Variants in TENM2 observed in about 807,000 individuals in gnomAD.
The protein encoded by TENM2 is teneurin transmembrane protein 2.
A neutral mutation model predicts 245.2 loss-of-function variants in TENM2; 52 were observed. The ratio of observed to expected loss-of-function variants is 0.21; its 90% CI spans 0.17 to 0.27. The LOEUF is 0.27. TENM2 is among the 10% of genes least tolerant of loss of function. The pLI is 1.00. For synonymous variants in TENM2, 1,363 were observed against 1,438.9 expected (o/e 0.95, Z 1.19); for missense variants, 3,046 against 3,666.8 (o/e 0.83, Z 4.37).
chr5:168,100,098 G>T (rs552798269), intron 9 of TENM2, among the ~76,000 whole-genome samples: 25 of 152,338 alleles, frequency 1.6e-4, no homozygotes, highest in South Asian at 4.1e-4. Context: ...CTTTGCTGAA[G>T]TTGCTTATCA....
At chr5:168,158,825 GTGTGTATA>G (rs1247472485) in intron 12 of TENM2, among the ~76,000 whole-genome samples, 3 of 84,022 alleles carry the variant, frequency 3.6e-5, no homozygotes, top group South Asian at 3.6e-4. Context: ...GTGTGTGTGT[GTGTGTATA>G]TATATATATA....
intron 2 of TENM2, among the ~76,000 whole-genome samples, chr5:167,697,509 T>C (rs1757842136): frequency 2.6e-5 from 4 of 152,142 alleles, no homozygotes; most frequent in African/African-American, 9.7e-5. Flanking sequence ...AGTGGATTAA[T>C]CCATATATTT....
At chr5:168,134,981 A>G (rs1191316494) in intron 12 of TENM2, among the ~76,000 whole-genome samples, 1 of 152,226 alleles carries the variant, frequency 6.6e-6, no homozygotes, top group Non-Finnish European at 1.5e-5. Flanking sequence ...GCGTCTTAGA[A>G]CACAGCATCC....
chr5:167,705,978 T>C (rs796575864), intron 2 of TENM2, among the ~76,000 whole-genome samples: 10,769 of 116,106 alleles, frequency 0.093, 449 homozygotes, highest in African/African-American at 0.19. Context: ...TATATATATA[T>C]ATATATATAT....
At chr5:167,743,572 C>T (rs1036725362) in intron 2 of TENM2, among the ~76,000 whole-genome samples, 1 of 152,012 alleles carries the variant, frequency 6.6e-6, no homozygotes, top group Non-Finnish European at 1.5e-5. Flanking sequence ...ATTAAGAGAA[C>T]ACAATATGCA....
the TENM2 span, among the ~76,000 whole-genome samples, chr5:167,266,824 T>TA: frequency 6.6e-6 from 1 of 152,188 alleles, no homozygotes; most frequent in Non-Finnish European, 1.5e-5. Context: ...ATAATACAGA[T>TA]AAAAGTCACG....
the TENM2 span, among the ~76,000 whole-genome samples, chr5:167,192,636 A>G: frequency 6.6e-6 from 1 of 152,100 alleles, no homozygotes; most frequent in East Asian, 1.9e-4. Context: ...ATGGAGTCAG[A>G]TAGGCAATAT....
intron 1 of TENM2, among the ~76,000 whole-genome samples, chr5:167,344,310 A>ATC (rs1758323210): frequency 2.0e-5 from 1 of 50,938 alleles, no homozygotes; most frequent in African/African-American, 7.0e-5. Flanking sequence ...ACACACACAC[A>ATC]TATATATATA....
At chr5:167,861,180 C>G (rs2151288450) in intron 2 of TENM2, among the ~76,000 whole-genome samples, 1 of 152,288 alleles carries the variant, frequency 6.6e-6, no homozygotes, top group African/African-American at 2.4e-5. Flanking sequence ...CTCCTTCTCT[C>G]CTTTCTCTCT....
At chr5:167,085,011 A>G in the TENM2 span, among the ~76,000 whole-genome samples, 1 of 152,220 alleles carries the variant, frequency 6.6e-6, no homozygotes, top group Non-Finnish European at 1.5e-5. Flanking sequence ...TTGCAATTCC[A>G]GATCTCCAAA....
chr5:168,140,439 A>G (rs894971588), intron 12 of TENM2, among the ~76,000 whole-genome samples: 1 of 152,134 alleles, frequency 6.6e-6, no homozygotes, highest in African/African-American at 2.4e-5. Context: ...TCTTCCTTCC[A>G]TCTGCTCCAA....
the TENM2 span, among the ~76,000 whole-genome samples, chr5:167,147,794 A>T: frequency 6.6e-6 from 1 of 152,134 alleles, no homozygotes; most frequent in Non-Finnish European, 1.5e-5. Context: ...TGCATTATTA[A>T]TTTTAATGAC....
chr5:168,247,881 C>T lies in TENM2; in HGVS notation c.6942C>T (p.Asn2314=), dbSNP rs767302535. ...GACGGCGGGCTTCCTACAAGACCAACCTGGGCCACCACCTGCAGTACTTCT... is the reference window on the plus strand; with the variant it reads ...GACGGCGGGCTTCCTACAAGACCAATCTGGGCCACCACCTGCAGTACTTCT... Residue 2314 remains asparagine (N), a synonymous_variant, in exon 27 of 29, where the codon AAC becomes AAT. Transcript: ENST00000518659. The surrounding 1 kb of genome is among the most constrained non-coding windows in gnomAD (Gnocchi z 7.8). The T allele has an allele frequency of 6.2e-7, 1 of 1,613,976 alleles. No individual in the cohort carries two copies. Among genetic ancestry groups the T allele is most frequent in the East Asian group, 2.2e-5 (1 of 44,874 alleles).
chr5:167,322,333 T>G (rs1394459113), intron 1 of TENM2, among the ~76,000 whole-genome samples: 1 of 152,160 alleles, frequency 6.6e-6, no homozygotes, highest in Non-Finnish European at 1.5e-5. Context: ...CTTGGCTTTG[T>G]ATTCTGGCCC....
At chr5:167,027,032 T>G in the TENM2 span, among the ~76,000 whole-genome samples, 1 of 152,184 alleles carries the variant, frequency 6.6e-6, no homozygotes, top group East Asian at 1.9e-4. Context: ...ATCGTTGGAG[T>G]AAGACCCCAG....
chr5:167,790,429 A>G (rs990018792), intron 2 of TENM2, among the ~76,000 whole-genome samples: 6 of 152,218 alleles, frequency 3.9e-5, no homozygotes, highest in African/African-American at 1.2e-4. Context: ...CATGATTCCT[A>G]CTTAGAAAAT....
At chr5:167,331,919 C>T (rs1289378293) in intron 1 of TENM2, among the ~76,000 whole-genome samples, 2 of 151,810 alleles carry the variant, frequency 1.3e-5, no homozygotes, top group Admixed American at 1.3e-4. Flanking sequence ...ACTGTATTTA[C>T]GAAAATGCAG....
At chr5:167,643,701 C>T (rs1355163564) in intron 2 of TENM2, among the ~76,000 whole-genome samples, 1 of 152,092 alleles carries the variant, frequency 6.6e-6, no homozygotes, top group African/African-American at 2.4e-5. Flanking sequence ...ATGTTGGCTT[C>T]CCTACATCAC....
At chr5:167,991,715 A>T (rs1254574586) in intron 4 of TENM2, among the ~76,000 whole-genome samples, 1 of 152,220 alleles carries the variant, frequency 6.6e-6, no homozygotes, top group Admixed American at 6.5e-5. Context: ...GGCAAAGATG[A>T]TTCCAAAGAA....
Sources: gnomAD v4.1 joint callset for allele counts (sites outside exome capture counted in the v4.1 genomes callset) on GRCh38, gnomAD v4.1.1 for gene constraint, Gnocchi (gnomAD v3.1) non-coding constraint, MANE v1.5 for transcripts, NCBI Gene and HGNC (gene_info 2026-07-23, HGNC 2026-07-21) for gene names.